The following DAB1 variants were observed in gnomAD, a reference collection of about 807,000 sequenced individuals.
The protein encoded by DAB1 is DAB adaptor protein 1.
DAB1 carries 15 observed loss-of-function variants against 64.6 expected under a neutral mutation model. That is an observed-to-expected ratio of 0.23 (90% CI 0.16 to 0.36). DAB1 has a LOEUF of 0.36. DAB1 is among the 10% of genes least tolerant of loss of function. DAB1 has a pLI of 1.00. For synonymous variants in DAB1, 235 were observed against 251.9 expected (o/e 0.93, Z 0.64); for missense variants, 596 against 706.7 (o/e 0.84, Z 1.78).
At chr1:57,678,132 A>G (rs1646590183) in intron 6 of DAB1, among the ~76,000 whole-genome samples, 1 of 152,050 alleles carries the variant, frequency 6.6e-6, no homozygotes, top group Non-Finnish European at 1.5e-5. Context: ...GGGGGAGGAG[A>G]CTCCAGGATT....
At chr1:57,869,540 A>T (rs1654446888) in intron 1 of DAB1, among the ~76,000 whole-genome samples, 1 of 152,108 alleles carries the variant, frequency 6.6e-6, no homozygotes, top group South Asian at 2.1e-4. Flanking sequence ...TACATAAGGA[A>T]AAAATGAAGG....
chr1:57,394,078 G>A (rs184672345), intron 1 of DAB1, among the ~76,000 whole-genome samples: 15 of 152,138 alleles, frequency 9.9e-5, no homozygotes, highest in Non-Finnish European at 1.5e-4. Flanking sequence ...TTATATGAGC[G>A]GGTTTCTCTG....
chr1:57,409,113 G>A (rs1683892911), intron 1 of DAB1, among the ~76,000 whole-genome samples: 1 of 152,148 alleles, frequency 6.6e-6, no homozygotes, highest in African/African-American at 2.4e-5. Flanking sequence ...CCCAACTCCT[G>A]GCCTTTTTCC....
In DAB1 at chr1:57,653,229, C is replaced by T. The variant is rs78002470; in HGVS notation, n.552-3564G>A. Among the ~76,000 whole-genome samples, 96 of 152,158 alleles carry T rather than the reference C, an allele frequency of 6.3e-4. No homozygotes were observed. In the East Asian group the frequency reaches 7.9e-3, roughly 13 times the overall value. ...TTTCTTCCCAATTCCACAAAGATAA[C>T]GACTCTCCTAAATTTCCATACATAT... is the stretch of plus-strand genomic sequence containing the variant. On this transcript the variant is annotated intron_variant and non_coding_transcript_variant, in intron 6 of 20. Transcript: ENST00000485760.
At chr1:58,080,617 G>A (rs975734946) in intron 5 of DAB1, among the ~76,000 whole-genome samples, 7 of 152,348 alleles carry the variant, frequency 4.6e-5, no homozygotes, top group African/African-American at 1.2e-4. Context: ...CAAGAAGTTA[G>A]TCATTAAATT....
intron 3 of DAB1, among the ~76,000 whole-genome samples, chr1:58,365,673 C>T (rs1355451981): frequency 6.6e-6 from 1 of 152,130 alleles, no homozygotes; most frequent in Non-Finnish European, 1.5e-5. Flanking sequence ...ACCCAAACTC[C>T]GTCTCAACAT....
chr1:57,296,967 T>C (rs1205396638), intron 1 of DAB1, among the ~76,000 whole-genome samples: 1 of 152,202 alleles, frequency 6.6e-6, no homozygotes, highest in East Asian at 1.9e-4. Context: ...TTTGTAATTA[T>C]ACAGTGGAGA....
At chr1:57,157,674 T>G (rs1660364861) in intron 2 of DAB1, among the ~76,000 whole-genome samples, 2 of 152,152 alleles carry the variant, frequency 1.3e-5, no homozygotes, top group African/African-American at 4.8e-5. Context: ...TGATGTCATC[T>G]AAAGCTAATT....
chr1:57,107,979 T>C (rs1295626989), intron 4 of DAB1, among the ~76,000 whole-genome samples: 2 of 152,150 alleles, frequency 1.3e-5, no homozygotes, highest in African/African-American at 4.8e-5. Context: ...AATAGATGCA[T>C]CATTCCTGGC....
chr1:58,449,581 T>C (rs184265313), intron 3 of DAB1, among the ~76,000 whole-genome samples: 38 of 152,352 alleles, frequency 2.5e-4, no homozygotes, highest in Admixed American at 1.9e-3. Flanking sequence ...GTCATACCCC[T>C]GTCCTGAAAT....
At chr1:57,383,233 A>G (rs929299621) in intron 1 of DAB1, among the ~76,000 whole-genome samples, 2 of 152,152 alleles carry the variant, frequency 1.3e-5, no homozygotes, top group African/African-American at 4.8e-5. Context: ...TAAAAAATGT[A>G]TTTAGAGTAT....
At chr1:58,143,608 C>G (rs1484569002) in intron 5 of DAB1, among the ~76,000 whole-genome samples, 1 of 152,082 alleles carries the variant, frequency 6.6e-6, no homozygotes, top group East Asian at 1.9e-4. Flanking sequence ...CAGAGACAGG[C>G]AATAACAGCA....
chr1:58,372,222 C>T (rs1644270710), intron 3 of DAB1, among the ~76,000 whole-genome samples: 1 of 152,214 alleles, frequency 6.6e-6, no homozygotes, highest in Admixed American at 6.5e-5. Context: ...CCTAGGGAGC[C>T]CACCCTTTGC....
intron 1 of DAB1, among the ~76,000 whole-genome samples, chr1:57,337,685 G>T (rs1340670405): frequency 4.6e-5 from 7 of 152,178 alleles, no homozygotes; most frequent in Non-Finnish European, 1.0e-4. Context: ...GCGGCGCCTG[G>T]TGAGAGAGCA....
chr1:57,993,135 C>A (rs148731626), intron 5 of DAB1, among the ~76,000 whole-genome samples: 1 of 152,068 alleles, frequency 6.6e-6, no homozygotes, highest in South Asian at 2.1e-4. Context: ...GAGCACTTAC[C>A]CTGAGCACAA....
intron 5 of DAB1, among the ~76,000 whole-genome samples, chr1:58,137,099 A>G (rs1490489369): frequency 6.6e-6 from 1 of 152,158 alleles, no homozygotes; most frequent in African/African-American, 2.4e-5. Flanking sequence ...AAAAAAAAAA[A>G]CTAAATTTAC....
chr1:57,173,277 C>T (rs1272639612), intron 2 of DAB1, among the ~76,000 whole-genome samples: 2 of 152,124 alleles, frequency 1.3e-5, no homozygotes, highest in Non-Finnish European at 2.9e-5. Context: ...CATCCCTAAT[C>T]CAAAATGTTC....
chr1:57,964,928 A>T (rs932704815), intron 5 of DAB1, among the ~76,000 whole-genome samples: 2 of 152,148 alleles, frequency 1.3e-5, no homozygotes, highest in Non-Finnish European at 1.5e-5. Context: ...TGCTGGGGGA[A>T]TATTGAGAAA....
chr1:58,007,301 C>G (rs1161697670), intron 5 of DAB1, among the ~76,000 whole-genome samples: 2 of 152,122 alleles, frequency 1.3e-5, no homozygotes, highest in African/African-American at 2.4e-5. Context: ...TTGAGCCAAT[C>G]CCTCATCCTC....
Sources: gnomAD v4.1 joint callset for allele counts (sites outside exome capture counted in the v4.1 genomes callset) on GRCh38, gnomAD v4.1.1 for gene constraint, MANE v1.5 for transcripts, NCBI Gene and HGNC (gene_info 2026-07-23, HGNC 2026-07-21) for gene names.